PUDP: variants seen among roughly 807,000 people sequenced by gnomAD.
PUDP encodes the protein pseudouridine 5'-phosphatase.
A neutral mutation model predicts 9.4 loss-of-function variants in PUDP; 8 were observed. The ratio of observed to expected loss-of-function variants is 0.85; its 90% CI spans 0.50 to 1.53. The LOEUF (loss-of-function observed/expected upper bound fraction) is 1.53. Among genes scored for constraint, PUDP ranks in the 40% most tolerant of loss-of-function variants. The probability of loss-of-function intolerance (pLI) is 0.00; values close to 1 mark genes in which losing one functional copy is unlikely to be tolerated. For synonymous variants in PUDP, 99 were observed against 80.7 expected, an observed-to-expected ratio of 1.23 and a Z score of -1.22; for missense variants, 188 against 189.7, an observed-to-expected ratio of 0.99 and a Z score of 0.05.
chrX:7,004,937 C>T (rs963160159), intron 1 of PUDP, among the ~76,000 whole-genome samples: 1 of 112,296 alleles, frequency 8.9e-6, no homozygotes, highest in Non-Finnish European at 1.9e-5. Flanking sequence ...GCACAGGAGA[C>T]AATTCCAGTA....
chrX:6,963,330 G>GC (rs780551665), intron 3 of PUDP, among the ~76,000 whole-genome samples: 1 of 111,026 alleles, frequency 9.0e-6, no homozygotes, highest in Non-Finnish European at 1.9e-5. Context: ...GAATGCCTGA[G>GC]GAGCATTTAT....
At chrX:6,764,520 T>C (rs2146675938) in intron 3 of PUDP, among the ~76,000 whole-genome samples, 1 of 112,029 alleles carries the variant, frequency 8.9e-6, no homozygotes, top group Non-Finnish European at 1.9e-5. Context: ...GCAGTGTATG[T>C]AGGGTTTCTA....
At chrX:7,124,224 T>C (rs1203565981) in intron 1 of PUDP, among the ~76,000 whole-genome samples, 1 of 112,050 alleles carries the variant, frequency 8.9e-6, no homozygotes, top group Non-Finnish European at 1.9e-5. Flanking sequence ...AATCAGTAAC[T>C]GAAGAAAACT....
intron 1 of PUDP, among the ~76,000 whole-genome samples, chrX:7,142,948 G>A (rs1284852605): frequency 4.5e-5 from 5 of 110,954 alleles, no homozygotes; most frequent in Non-Finnish European, 9.4e-5. Flanking sequence ...ACCATGCCTC[G>A]CCAAAAGAGA....
At chrX:6,745,545 T>C (rs181271814) in intron 3 of PUDP, among the ~76,000 whole-genome samples, 10 of 112,302 alleles carry the variant, frequency 8.9e-5, no homozygotes, top group East Asian at 2.8e-4. Flanking sequence ...TAAATGAAAA[T>C]TGGACACAGG....
At chrX:6,950,708 C>T (rs906460313) in intron 3 of PUDP, among the ~76,000 whole-genome samples, 2 of 110,889 alleles carry the variant, frequency 1.8e-5, no homozygotes, top group South Asian at 3.9e-4. Context: ...CTGCGTCTGG[C>T]CATCAGTTAG....
chrX:6,836,449 A>G (rs1173010513), intron 3 of PUDP, among the ~76,000 whole-genome samples: 2 of 112,139 alleles, frequency 1.8e-5, no homozygotes, highest in Non-Finnish European at 3.8e-5. Flanking sequence ...TGACTTTTCC[A>G]TCTTCTAGAG....
chrX:6,807,626 G>A (rs1175407198), intron 3 of PUDP, among the ~76,000 whole-genome samples: 1 of 111,863 alleles, frequency 8.9e-6, no homozygotes, highest in Non-Finnish European at 1.9e-5. Context: ...CTGGCTTGCC[G>A]TCGGAGGGTG....
intron 3 of PUDP, among the ~76,000 whole-genome samples, chrX:6,801,119 A>G (rs760438269): frequency 4.5e-5 from 5 of 112,108 alleles, no homozygotes; most frequent in Non-Finnish European, 9.4e-5. Flanking sequence ...AGCCTAATTT[A>G]ATGTAATACT....
At chrX:7,012,355 C>G (rs1024679980) in intron 1 of PUDP, among the ~76,000 whole-genome samples, 2 of 112,365 alleles carry the variant, frequency 1.8e-5, no homozygotes, top group African/African-American at 3.2e-5. Flanking sequence ...AACTAACAAG[C>G]ATTTCTCTTC....
intron 1 of PUDP, among the ~76,000 whole-genome samples, chrX:7,026,778 T>G (rs1266686225): frequency 8.9e-6 from 1 of 111,988 alleles, no homozygotes; most frequent in African/African-American, 3.3e-5. Flanking sequence ...AAGAATGATC[T>G]TGTTAAATGT....
At chrX:6,709,801 G>A (rs1227753635) in intron 1 of PUDP, among the ~76,000 whole-genome samples, 1 of 111,918 alleles carries the variant, frequency 8.9e-6, no homozygotes, top group African/African-American at 3.2e-5. Context: ...CAAACCTAAG[G>A]CACAACCAGA....
chrX:6,974,616 C>T (rs903104192), intron 3 of PUDP, among the ~76,000 whole-genome samples: 12 of 111,837 alleles, frequency 1.1e-4, no homozygotes, highest in South Asian at 3.8e-4. Flanking sequence ...GTGGGTAACC[C>T]GACCTTTCTC....
At chrX:6,961,793 T>C (rs749685012) in intron 3 of PUDP, among the ~76,000 whole-genome samples, 2 of 111,846 alleles carry the variant, frequency 1.8e-5, no homozygotes, top group East Asian at 5.6e-4. Flanking sequence ...GTCCAGAGCC[T>C]CATTCTTGCA....
chrX:7,077,388 G>A lies in PUDP; in HGVS notation c.342C>T (p.Ser114=). The part of the protein sequence containing the change: ...KHGIPFALAT[S]SGSASFDMKT... ...TCATATCGAACGACGCGGACCCCGA[G>A]CTGGTGGCCAGTGCAAAGGGGATGC... Residue 114 remains serine, a synonymous_variant, in exon 3 of 4, where the codon AGC becomes AGT. Coordinates refer to ENST00000381077, the MANE Select transcript of PUDP (RefSeq NM_012080.5). The A allele has an allele frequency of 8.3e-7, 1 of 1,211,248 alleles. No homozygotes were observed. Among genetic ancestry groups the A allele is most frequent in the Non-Finnish European group, 1.1e-6 (1 of 895,179 alleles).
At chrX:6,893,251 C>A (rs1048692005) in intron 3 of PUDP, among the ~76,000 whole-genome samples, 1 of 111,678 alleles carries the variant, frequency 9.0e-6, no homozygotes. Flanking sequence ...ATGCCAAGGA[C>A]GTGACCTTGA....
At chrX:6,973,559 T>G (rs1207712259) in intron 3 of PUDP, among the ~76,000 whole-genome samples, 1 of 112,364 alleles carries the variant, frequency 8.9e-6, no homozygotes, top group African/African-American at 3.2e-5. Flanking sequence ...TTGATTGCAC[T>G]GTGGTCTGAG....
chrX:6,752,290 C>T (rs1437770669), intron 3 of PUDP, among the ~76,000 whole-genome samples: 1 of 111,383 alleles, frequency 9.0e-6, no homozygotes, highest in Non-Finnish European at 1.9e-5. Context: ...AGGCAGCACC[C>T]CCAAAGGTTC....
At chrX:6,829,062 G>T (rs1312105539) in intron 3 of PUDP, among the ~76,000 whole-genome samples, 1 of 110,787 alleles carries the variant, frequency 9.0e-6, no homozygotes, top group Non-Finnish European at 1.9e-5. Flanking sequence ...GGAACCTCAT[G>T]AAAGAGATTC....
Sources: allele counts gnomAD v4.1 joint callset (sites outside exome capture counted in the v4.1 genomes callset), GRCh38; gene constraint gnomAD v4.1.1; transcripts MANE v1.5; gene names NCBI Gene and HGNC (gene_info 2026-07-23, HGNC 2026-07-21).